Variants in RIMS1 observed in about 807,000 individuals in gnomAD.
The protein encoded by RIMS1 is regulating synaptic membrane exocytosis protein 1.
A neutral mutation model predicts 214.1 loss-of-function variants in RIMS1; 83 were observed. The ratio of observed to expected loss-of-function variants is 0.39; its 90% CI spans 0.32 to 0.47. The LOEUF (loss-of-function observed/expected upper bound fraction) is 0.47, where lower values mean the gene tolerates loss of function less well. RIMS1 is among the 20% of genes least tolerant of loss of function. The pLI is 0.99. For missense variants in RIMS1, 2,050 were observed against 2,161.8 expected, an observed-to-expected ratio of 0.95 and a Z score of 1.03; for synonymous variants, 793 against 786.8, an observed-to-expected ratio of 1.01 and a Z score of -0.13.
intron 29 of RIMS1, among the ~76,000 whole-genome samples, chr6:72,350,571 T>C (rs1016552053): frequency 5.4e-5 from 8 of 147,462 alleles, no homozygotes; most frequent in Non-Finnish European, 1.1e-4. Flanking sequence ...TTTAAAGTAA[T>C]GCCAGTTGTC....
chr6:72,309,844 A>ATACTC (rs1316444477), intron 27 of RIMS1, among the ~76,000 whole-genome samples: 2 of 152,142 alleles, frequency 1.3e-5, no homozygotes, highest in African/African-American at 4.8e-5. Context: ...AGAAGATAAA[A>ATACTC]TACTCTCCAC....
chr6:71,887,086 G>A lies in RIMS1; in HGVS notation c.63G>A (p.Glu21=), dbSNP rs1240571367. 2.5e-6 allele frequency: 4 copies of A among 1,613,582 alleles called. No homozygotes were observed. Among genetic ancestry groups the A allele is most frequent in the Admixed American group, 3.3e-5 (2 of 59,978 alleles). Residue 21 remains glutamate, a synonymous_variant, in exon 1 of 34, where the codon GAG becomes GAA. Coordinates refer to ENST00000521978, the MANE Select transcript of RIMS1 (RefSeq NM_014989.7). ...RPPTVPPPMQ[E]LPDLSHLTEE... ...CCACGGTGCCTCCCCCCATGCAAGA[G>A]CTGCCCGACCTGAGCCACCTGACCG...
chr6:72,397,356 G>T (rs1467150322), intron 31 of RIMS1, among the ~76,000 whole-genome samples: 3 of 152,122 alleles, frequency 2.0e-5, no homozygotes, highest in Admixed American at 2.0e-4. Context: ...AATAATCAAA[G>T]AAATGCAAAT....
intron 24 of RIMS1, among the ~76,000 whole-genome samples, chr6:72,288,547 A>G (rs1290317026): frequency 6.6e-6 from 1 of 152,116 alleles, no homozygotes. Flanking sequence ...AGCACATCCC[A>G]TTTCATTGAA....
intron 2 of RIMS1, among the ~76,000 whole-genome samples, chr6:72,038,090 C>CAAAAAAAAA (rs869130217): frequency 4.5e-5 from 1 of 22,242 alleles, no homozygotes; most frequent in Non-Finnish European, 8.0e-5. Flanking sequence ...AACAAACAAG[C>CAAAAAAAAA]AAAAAAAAAA....
chr6:71,978,269 A>G (rs565928914), intron 2 of RIMS1, among the ~76,000 whole-genome samples: 1 of 152,288 alleles, frequency 6.6e-6, no homozygotes, highest in African/African-American at 2.4e-5. Context: ...AATGGTATCT[A>G]TTGTTGAATA....
chr6:72,024,093 G>A (rs1008438142), intron 2 of RIMS1, among the ~76,000 whole-genome samples: 1 of 152,088 alleles, frequency 6.6e-6, no homozygotes, highest in African/African-American at 2.4e-5. Context: ...TAGCTTTAAA[G>A]GAAATCTGCA....
chr6:72,237,049 A>G (rs1434021433), intron 8 of RIMS1, among the ~76,000 whole-genome samples: 2 of 152,042 alleles, frequency 1.3e-5, no homozygotes, highest in Non-Finnish European at 2.9e-5. Context: ...ATTAAAATTA[A>G]AAAATTATCT....
In RIMS1 at chr6:72,313,671, A is replaced by T. The variant is rs749880516; in HGVS notation, c.4129A>T (p.Ser1377Cys). Residue 1377 changes from serine to cysteine, a missense_variant and splice_region_variant, in exon 28 of 34, where the codon AGT becomes TGT. Ser to Cys is a moderately radical substitution (Grantham distance 112). Transcript: ENST00000521978. ...EQSERPRGRI[S>C]SFTPKMQGRR... The stretch of plus-strand genomic sequence containing the variant: ...ATCTGAGCGCCCCAGGGGTAGAATC[A>T]GGTGAGTTGGCAATACTGTTTATAT... The T allele has an allele frequency of 6.2e-7, 1 of 1,610,888 alleles. No individual in the cohort carries two copies. Among genetic ancestry groups the T allele is most frequent in the Admixed American group, 1.7e-5 (1 of 59,576 alleles).
chr6:71,915,517 C>A (rs975899483), intron 1 of RIMS1, among the ~76,000 whole-genome samples: 1 of 152,116 alleles, frequency 6.6e-6, no homozygotes, highest in Non-Finnish European at 1.5e-5. Flanking sequence ...ACCTAGTATC[C>A]CTTGCTCCAC....
chr6:72,331,605 T>G (rs2096660590), intron 28 of RIMS1, among the ~76,000 whole-genome samples: 1 of 151,844 alleles, frequency 6.6e-6, no homozygotes, highest in African/African-American at 2.4e-5. Flanking sequence ...TCAAATATGT[T>G]GGTGAAGACA....
chr6:71,949,230 A>G (rs979951567), intron 1 of RIMS1, among the ~76,000 whole-genome samples: 4 of 152,180 alleles, frequency 2.6e-5, no homozygotes, highest in Admixed American at 6.5e-5. Flanking sequence ...TCAGTACCCT[A>G]TATTAGGATG....
intron 6 of RIMS1, among the ~76,000 whole-genome samples, chr6:72,231,404 A>G (rs891677641): frequency 1.3e-5 from 2 of 151,734 alleles, no homozygotes; most frequent in Admixed American, 6.6e-5. Context: ...GTATACTAAA[A>G]TATATACAAA....
intron 6 of RIMS1, among the ~76,000 whole-genome samples, chr6:72,184,401 G>A (rs1351592166): frequency 2.0e-5 from 3 of 152,186 alleles, no homozygotes; most frequent in South Asian, 4.1e-4. Context: ...CTGCAGCTAC[G>A]TCAGCAGGAG....
At chr6:72,261,478 A>G (rs2077991325) in intron 19 of RIMS1, 2 of 967,320 alleles carry the variant, frequency 2.1e-6, no homozygotes, top group Non-Finnish European at 2.5e-6. Context: ...TTACATCTTT[A>G]ATTTCATATC....
chr6:72,001,516 C>T (rs1246352613), intron 2 of RIMS1, among the ~76,000 whole-genome samples: 1 of 152,082 alleles, frequency 6.6e-6, no homozygotes, highest in Admixed American at 6.6e-5. Context: ...CCCCCTGCCC[C>T]ATATACACCT....
chr6:72,249,300 A>G (rs934964856), intron 12 of RIMS1, among the ~76,000 whole-genome samples: 4 of 152,198 alleles, frequency 2.6e-5, no homozygotes, highest in African/African-American at 7.2e-5. Context: ...AATGACTGAT[A>G]AAATTCCAAT....
At chr6:71,996,358 A>G (rs1803429373) in intron 2 of RIMS1, among the ~76,000 whole-genome samples, 1 of 152,034 alleles carries the variant, frequency 6.6e-6, no homozygotes, top group Admixed American at 6.6e-5. Context: ...CCTTATTAAA[A>G]CCTTGCCTGC....
At chr6:72,043,337 TC>T (rs1445067418) in intron 2 of RIMS1, among the ~76,000 whole-genome samples, 2 of 151,900 alleles carry the variant, frequency 1.3e-5, no homozygotes, top group Non-Finnish European at 2.9e-5. Flanking sequence ...TTTTTATCTT[TC>T]TACTTTAAAA....
Sources: gnomAD v4.1 joint callset for allele counts (sites outside exome capture counted in the v4.1 genomes callset) on GRCh38, gnomAD v4.1.1 for gene constraint, MANE v1.5 for transcripts, NCBI Gene and HGNC (gene_info 2026-07-23, HGNC 2026-07-21) for gene names.